Variants in PEX26 observed in about 807,000 individuals in gnomAD.
PEX26 encodes the protein peroxisomal biogenesis factor 26, also known as peroxisome assembly protein 26.
In PEX26, 18 loss-of-function variants were observed where a neutral mutation model predicts 31.4. That is an observed-to-expected ratio of 0.57 (90% CI 0.40 to 0.85). The LOEUF (loss-of-function observed/expected upper bound fraction) is 0.85, where lower values mean the gene tolerates loss of function less well. PEX26 is among the 40% of genes least tolerant of loss of function. The pLI is 0.00. For synonymous variants in PEX26, 176 were observed against 166.9 expected (o/e 1.05, Z -0.42); for missense variants, 377 against 383.9 (o/e 0.98, Z 0.15).
At chr22:18,078,850 G>T in intron 1 of PEX26, 2 of 684,196 alleles carry the variant, frequency 2.9e-6, no homozygotes, top group Non-Finnish European at 5.4e-6. Context: ...AAGGTACAAT[G>T]ACATGATGGG....
chr22:18,078,365 C>T lies in PEX26; in HGVS notation c.-12C>T. ...GACGTCTGAGGACCTGGGCCTTGGA[C>T]CCGGACTCGTTATGAAGAGCGATTC... On this transcript the variant is annotated 5_prime_UTR_variant, in exon 1 of 5. Transcript: ENST00000399744. The T allele has an allele frequency of 1.3e-6, 2 of 1,586,788 alleles. No individual in the cohort carries two copies. Among genetic ancestry groups the T allele is most frequent in the Non-Finnish European group, 1.7e-6 (2 of 1,163,010 alleles).
chr22:18,083,768 G>A, intron 3 of PEX26, 36 bp downstream of exon 3: 2 of 1,604,680 alleles, frequency 1.2e-6, no homozygotes, highest in Non-Finnish European at 1.7e-6. Context: ...CTGTAAAGTG[G>A]ACTTGCGGGC....
At position 18,078,405 on chromosome 22, in the gene PEX26, C is replaced by G; in HGVS notation, c.29C>G (p.Ala10Gly). 1 of 1,598,524 alleles carries G rather than the reference C, an allele frequency of 6.3e-7. No individual in the cohort carries two copies. Among genetic ancestry groups the G allele is most frequent in the Non-Finnish European group, 8.5e-7 (1 of 1,174,612 alleles). The change falls in exon 1 of 5, where the codon GCC becomes GGC. Residue 10 changes from alanine to glycine, a missense_variant. Ala to Gly is a moderately conservative substitution (Grantham distance 60). Transcript: ENST00000399744. ...AAGAGCGATTCTTCGACCTCTGCAG[C>G]CCCCCTCAGGGGGCTCGGGGGACCC... MKSDSSTSAAPLRGLGGPLR... is the reference protein window; with the variant it reads MKSDSSTSAGPLRGLGGPLR...
At position 18,099,598 on chromosome 22, in the gene PEX26, C is replaced by G. The variant is rs1927392312; in HGVS notation, c.*11523C>G. The G allele has an allele frequency of 6.6e-6, 1 of 152,192 alleles. No homozygotes were observed. Among genetic ancestry groups the G allele is most frequent in the South Asian group, 2.1e-4 (1 of 4,832 alleles). 9.4% of individuals were successfully genotyped at this position (152,192 alleles called of 1,614,324 possible). On this transcript the variant is annotated 3_prime_UTR_variant, in exon 5 of 5. Coordinates refer to ENST00000399744, the MANE Select transcript of PEX26 (RefSeq NM_001127649.3). ...AGCTTCCAACATTATCACTTCCTTA[C>G]TACACACATTTGTTTCCTAGGACTG...
chr22:18,101,752 TG>T lies in PEX26; in HGVS notation c.*13680del. 4.2e-6 allele frequency: 1 copy of T among 236,372 alleles called. No homozygotes were observed. Among genetic ancestry groups the T allele is most frequent in the East Asian group, 1.2e-4 (1 of 8,470 alleles). The allele number at this position is 236,372 out of a possible 1,614,324, so 14.6% of individuals were successfully genotyped here. A position where few individuals can be genotyped will look rare whatever the true frequency, so the allele number is the denominator to read the frequency against. On this transcript the variant is annotated 3_prime_UTR_variant, in exon 5 of 5. Transcript: ENST00000399744. The stretch of plus-strand genomic sequence containing the variant: ...CATTACAATGGCCTCATCCTGCATG[TG>T]GGCAAGTCAGCTCTCTGATGGATGG...
intron 2 of PEX26, chr22:18,081,660 TG>T: frequency 5.9e-6 from 1 of 170,218 alleles, no homozygotes; most frequent in Non-Finnish European, 1.3e-5. Context: ...ATGTGGCATT[TG>T]GGGGTGGGCA....
rs1026550692 is a variant in PEX26 at position 18,098,833 on chromosome 22, A to G, written c.*10758A>G. 1.1e-4 allele frequency: 17 copies of G among 152,022 alleles called. No homozygotes were observed. The highest frequency in any genetic ancestry group is 3.9e-4 in the African/African-American group (16 of 41,476). 9.4% of individuals were successfully genotyped at this position (152,022 alleles called of 1,614,324 possible). A position where few individuals can be genotyped will look rare whatever the true frequency, so the allele number is the denominator to read the frequency against. ...GAAAATACTATATAATAAATATAAA[A>G]TGGATTAAAACTATATAAAATAGAT... On this transcript the variant is annotated 3_prime_UTR_variant, in exon 5 of 5. Coordinates refer to ENST00000399744, the MANE Select transcript of PEX26 (RefSeq NM_001127649.3).
chr22:18,082,487 G>C (rs1348112616), intron 2 of PEX26, among the ~76,000 whole-genome samples: 1 of 152,112 alleles, frequency 6.6e-6, no homozygotes, highest in Admixed American at 6.5e-5. Flanking sequence ...GTGTGTTCTT[G>C]GCACCTTTGT....
chr22:18,079,192 G>A (rs970500848), intron 1 of PEX26: 1 of 984,884 alleles, frequency 1.0e-6, no homozygotes, highest in African/African-American at 1.7e-5. Context: ...AAAAAGAAAA[G>A]AATCCGGAGA....
intron 1 of PEX26, 65 bp downstream of exon 1, chr22:18,078,671 G>A: frequency 7.1e-7 from 1 of 1,415,868 alleles, no homozygotes; most frequent in Non-Finnish European, 9.7e-7. Flanking sequence ...CAAGGTCTCA[G>A]GAGTTCTGTC....
intron 1 of PEX26, 160 bp downstream of exon 1, chr22:18,078,766 A>G (rs1353071635): frequency 6.7e-6 from 5 of 744,778 alleles, no homozygotes; most frequent in South Asian, 1.5e-5. Context: ...TCGTGTGCCC[A>G]TTCTACAGAG....
rs1569185857 is a variant in PEX26 at position 18,078,528 on chromosome 22, TC to T, written c.154del (p.Arg52GlyfsTer30). 1.3e-6 allele frequency: 2 copies of T among 1,577,202 alleles called. No homozygotes were observed. Among genetic ancestry groups the T allele is most frequent in the Admixed American group, 1.8e-5 (1 of 55,094 alleles). ...GACCTCCTGGTGGTGCACCTGGACTTCCGGGCGGCGCTGGAGACCTGCGAGC... is the reference window on the plus strand; with the variant it reads ...GACCTCCTGGTGGTGCACCTGGACTTCGGGCGGCGCTGGAGACCTGCGAGC... ...AADLLVVHLD[F>X]RAALETCERA... On this transcript the variant is annotated frameshift_variant, in exon 1 of 5. Coordinates refer to ENST00000399744, the MANE Select transcript of PEX26 (RefSeq NM_001127649.3). LOFTEE classifies it high-confidence loss of function.
At chr22:18,083,848 C>T in intron 3 of PEX26, 116 bp downstream of exon 3, 1 of 942,566 alleles carries the variant, frequency 1.1e-6, no homozygotes, top group Non-Finnish European at 1.7e-6. Context: ...ATGAATAACT[C>T]TTGAGTCACA....
chr22:18,085,296 G>T, intron 4 of PEX26, 38 bp downstream of exon 4: 2 of 1,610,934 alleles, frequency 1.2e-6, no homozygotes, highest in South Asian at 1.1e-5. Flanking sequence ...TTCCTGGGAA[G>T]GGGTTGTTGC....
chr22:18,092,644 T>A lies in PEX26; in HGVS notation c.*4569T>A, dbSNP rs1927141823. On this transcript the variant is annotated 3_prime_UTR_variant, in exon 5 of 5. Coordinates refer to ENST00000399744, the MANE Select transcript of PEX26 (RefSeq NM_001127649.3). Reference sequence around the variant, plus strand: ...TTCAGCTTTTTTCCCCCTAATTAATTAACTAATTCTTTTTTTTCCTGCAAC... The same window carrying A: ...TTCAGCTTTTTTCCCCCTAATTAATAAACTAATTCTTTTTTTTCCTGCAAC... The A allele has an allele frequency of 6.6e-6, 1 of 151,722 alleles. No individual in the cohort carries two copies. Among genetic ancestry groups the A allele is most frequent in the African/African-American group, 2.4e-5 (1 of 41,304 alleles). The allele number at this position is 151,722 out of a possible 1,614,324, so 9.4% of individuals were successfully genotyped here.
In PEX26 at chr22:18,098,077, G is replaced by A. The variant is rs1927348040; in HGVS notation, c.*10002G>A. On this transcript the variant is annotated 3_prime_UTR_variant, in exon 5 of 5. Coordinates refer to ENST00000399744, the MANE Select transcript of PEX26 (RefSeq NM_001127649.3). ...AATCTAAAAATTAGCTGGGTGTGGT[G>A]GCGTGCACCTGTAATCTCAGCTACT... 2.0e-5 allele frequency: 3 copies of A among 152,010 alleles called. No individual in the cohort carries two copies. The highest frequency in any genetic ancestry group is 2.0e-4 in the Admixed American group (3 of 15,256). 9.4% of individuals were successfully genotyped at this position (152,010 alleles called of 1,614,324 possible).
chr22:18,082,062 GT>G (rs10627489), intron 2 of PEX26, among the ~76,000 whole-genome samples: 14,643 of 99,208 alleles, frequency 0.15, 871 homozygotes, highest in Admixed American at 0.24. Context: ...TTTGAATCAG[GT>G]TTTTTTTTTT....
intron 2 of PEX26, chr22:18,081,764 T>G (rs115698097): frequency 0.018 from 2,784 of 154,250 alleles, 73 homozygotes; most frequent in African/African-American, 0.061. Flanking sequence ...GTCTTTCCTA[T>G]TTTGAATTTT....
chr22:18,096,577 C>A lies in PEX26; in HGVS notation c.*8502C>A, dbSNP rs1055605224. On this transcript the variant is annotated 3_prime_UTR_variant, in exon 5 of 5. Transcript: ENST00000399744. ...GGGACTACAGGCGCCCGCCACCACACCCGGCTAATTTTTTGTATTTTTAGT... is the reference window on the plus strand; with the variant it reads ...GGGACTACAGGCGCCCGCCACCACAACCGGCTAATTTTTTGTATTTTTAGT... 6.6e-6 allele frequency: 1 copy of A among 152,204 alleles called. No homozygotes were observed. The highest frequency in any genetic ancestry group is 2.4e-5 in the African/African-American group (1 of 41,440). The allele number at this position is 152,204 out of a possible 1,614,324, so 9.4% of individuals were successfully genotyped here. A position where few individuals can be genotyped will look rare whatever the true frequency, so the allele number is the denominator to read the frequency against.
Sources: allele counts gnomAD v4.1 joint callset (sites outside exome capture counted in the v4.1 genomes callset), GRCh38; gene constraint gnomAD v4.1.1; transcripts MANE v1.5; gene names NCBI Gene and HGNC (gene_info 2026-07-23, HGNC 2026-07-21).